Variants in MEAK7 observed in about 807,000 individuals in gnomAD.
The protein encoded by MEAK7 is MTOR-associated protein MEAK7.
A neutral mutation model predicts 40.5 loss-of-function variants in MEAK7; 68 were observed. The observed-to-expected ratio is 1.68, with a 90% CI of 1.38 to 2.06. The LOEUF (loss-of-function observed/expected upper bound fraction) is 2.06, where lower values mean the gene tolerates loss of function less well. Among genes scored for constraint, MEAK7 ranks in the 30% most tolerant of loss-of-function variants. The probability of loss-of-function intolerance (pLI) is 0.00; values close to 1 mark genes in which losing one functional copy is unlikely to be tolerated. For synonymous variants in MEAK7, 338 were observed against 231.9 expected (o/e 1.46, Z -4.16); for missense variants, 918 against 580.5 (o/e 1.58, Z -5.98).
rs1912683125 is a variant in MEAK7 at position 84,482,713 on chromosome 16, G to C, written c.959-3C>G. 2.5e-6 allele frequency: 4 copies of C among 1,614,028 alleles called. No homozygotes were observed. The highest frequency in any genetic ancestry group is 1.3e-5 in the African/African-American group (1 of 75,054). ...GAACAGGAAGCATCTGTTGTCCCCT[G>C]AAAGTAGCCAGAGAACAAAACAAAC... is the stretch of plus-strand genomic sequence containing the variant. On this transcript the variant is annotated splice_region_variant and splice_polypyrimidine_tract_variant and intron_variant, in intron 5 of 7. Coordinates refer to ENST00000343629, the MANE Select transcript of MEAK7 (RefSeq NM_020947.4).
chr16:84,485,194 T>A (rs1912926755), intron 5 of MEAK7, among the ~76,000 whole-genome samples: 1 of 152,028 alleles, frequency 6.6e-6, no homozygotes, highest in South Asian at 2.1e-4. Context: ...GAGGCTGCTG[T>A]CTCTAGAAAG....
intron 1 of MEAK7, among the ~76,000 whole-genome samples, chr16:84,500,373 C>T (rs1395934819): frequency 6.6e-6 from 1 of 152,164 alleles, no homozygotes; most frequent in Non-Finnish European, 1.5e-5. Flanking sequence ...TCTGAGGGGC[C>T]GCCAAGTGCT....
chr16:84,481,171 G>C (rs1369038078), intron 6 of MEAK7, among the ~76,000 whole-genome samples: 1 of 152,214 alleles, frequency 6.6e-6, no homozygotes, highest in African/African-American at 2.4e-5. Flanking sequence ...ACTCAGCTCC[G>C]AGTGTGTGGC....
At chr16:84,487,212 G>A (rs1048817834) in intron 4 of MEAK7, 153 bp from the exon 5 acceptor site, 82 of 618,984 alleles carry the variant, frequency 1.3e-4, no homozygotes, top group Non-Finnish European at 5.0e-5. Context: ...TGCCGTCAGT[G>A]TAAAAGGCAC....
intron 5 of MEAK7, among the ~76,000 whole-genome samples, chr16:84,484,494 G>C (rs1912861436): frequency 6.6e-6 from 1 of 152,066 alleles, no homozygotes; most frequent in Admixed American, 6.5e-5. Flanking sequence ...CAAAGCCTTG[G>C]GCCTTTTCAA....
chr16:84,478,201 C>G lies in MEAK7; in HGVS notation c.*1712G>C, dbSNP rs1386094865. On this transcript the variant is annotated 3_prime_UTR_variant, in exon 8 of 8. Transcript: ENST00000343629. Reference sequence around the variant, plus strand: ...TGAGGATCCTAATATTCTACTTCTGCCAACATGTCAGGTAGGAAGCTCACA... The same window carrying G: ...TGAGGATCCTAATATTCTACTTCTGGCAACATGTCAGGTAGGAAGCTCACA... 1.3e-5 allele frequency: 2 copies of G among 152,182 alleles called. No homozygotes were observed. Among genetic ancestry groups the G allele is most frequent in the East Asian group, 3.9e-4 (2 of 5,194 alleles). 9.4% of individuals were successfully genotyped at this position (152,182 alleles called of 1,614,324 possible). A position where few individuals can be genotyped will look rare whatever the true frequency, so the allele number is the denominator to read the frequency against.
rs369619862 is a variant in MEAK7, at chr16:84,489,303, C to T, written c.504G>A (p.Gln168=). Residue 168 remains glutamine, a synonymous_variant, in exon 4 of 8, where the codon CAG becomes CAA. Transcript: ENST00000343629. ...CTTGCAGCTTCATGTCAGAGAGCAGCTGAGCAGCCAGCACCTGCACCCGGG... is the reference window on the plus strand; with the variant it reads ...CTTGCAGCTTCATGTCAGAGAGCAGTTGAGCAGCCAGCACCTGCACCCGGG... The part of the protein sequence containing the change: ...PNPRVQVLAA[Q]LLSDMKLQDG... The T allele has an allele frequency of 1.2e-5, 20 of 1,614,028 alleles. No homozygotes were observed. The highest frequency in any genetic ancestry group is 3.3e-5 in the Admixed American group (2 of 60,006).
At chr16:84,504,252 C>T (rs760586825) in intron 1 of MEAK7, 2 of 717,764 alleles carry the variant, frequency 2.8e-6, no homozygotes, top group Non-Finnish European at 3.4e-6. Context: ...AGGCACCCCT[C>T]CCTTTCCGCG....
At chr16:84,494,807 T>A (rs761661092) in intron 3 of MEAK7, 20 of 455,886 alleles carry the variant, frequency 4.4e-5, no homozygotes, top group South Asian at 3.1e-4. Context: ...CTCATTTTCC[T>A]CTAAAATCCT....
chr16:84,484,702 A>C (rs1912879810), intron 5 of MEAK7, among the ~76,000 whole-genome samples: 1 of 152,178 alleles, frequency 6.6e-6, no homozygotes. Context: ...ACAGCTATTA[A>C]ATCACTTAAA....
At chr16:84,501,017 C>T (rs941459309) in intron 1 of MEAK7, among the ~76,000 whole-genome samples, 2 of 147,468 alleles carry the variant, frequency 1.4e-5, no homozygotes, top group African/African-American at 5.0e-5. Flanking sequence ...ATTGGTTGAA[C>T]ACGGACAGCG....
At position 84,485,673 on chromosome 16, in the gene MEAK7, C is replaced by CCTATCTAT. The variant is rs201436650; in HGVS notation, c.958+950_958+957dup. On this transcript the variant is annotated intron_variant, in intron 5 of 7. Coordinates refer to ENST00000343629, the MANE Select transcript of MEAK7 (RefSeq NM_020947.4). ...ATCCATCCATCCATCCATCTATCTA[C>CCTATCTAT]CTATCTATCTATCTATCTATCTATC... is the stretch of plus-strand genomic sequence containing the variant. Among the ~76,000 whole-genome samples, 156 of 147,748 alleles carry CCTATCTAT rather than the reference C, an allele frequency of 1.1e-3. 1 individual carries two copies. The highest frequency in any genetic ancestry group is 9.4e-3 in the East Asian group (47 of 4,976).
At chr16:84,494,759 C>T (rs1455547724) in intron 3 of MEAK7, 1 of 447,668 alleles carries the variant, frequency 2.2e-6, no homozygotes, top group Non-Finnish European at 4.5e-6. Context: ...ATAAACCATT[C>T]TGGACATGAC....
chr16:84,494,438 T>C (rs1185960837), intron 3 of MEAK7, among the ~76,000 whole-genome samples: 1 of 152,206 alleles, frequency 6.6e-6, no homozygotes, highest in East Asian at 1.9e-4. Flanking sequence ...TCTATTCCTT[T>C]TTTTCCCCCC....
At chr16:84,500,843 C>T (rs1355755419) in intron 1 of MEAK7, among the ~76,000 whole-genome samples, 3 of 152,102 alleles carry the variant, frequency 2.0e-5, no homozygotes, top group Non-Finnish European at 4.4e-5. Flanking sequence ...TGCATCAACT[C>T]GAAGAGCCTG....
At chr16:84,482,365 A>G (rs1025635851) in intron 6 of MEAK7, among the ~76,000 whole-genome samples, 1 of 152,222 alleles carries the variant, frequency 6.6e-6, no homozygotes. Flanking sequence ...CTGCACACAA[A>G]CCACTGAGAA....
At chr16:84,503,438 G>A (rs1417290060) in intron 1 of MEAK7, among the ~76,000 whole-genome samples, 1 of 152,052 alleles carries the variant, frequency 6.6e-6, no homozygotes, top group Non-Finnish European at 1.5e-5. Context: ...CCTGCTTCCT[G>A]GCTTCCCACT....
intron 3 of MEAK7, among the ~76,000 whole-genome samples, chr16:84,494,310 A>G (rs183985206): frequency 2.6e-5 from 4 of 152,320 alleles, no homozygotes; most frequent in African/African-American, 2.4e-5. Context: ...TACACTGGTT[A>G]TTGGATTCTA....
intron 5 of MEAK7, 87 bp from the exon 6 acceptor site, chr16:84,482,797 G>A: frequency 1.3e-6 from 2 of 1,562,286 alleles, no homozygotes; most frequent in Admixed American, 1.9e-5. Context: ...TGCAGCTCAG[G>A]AAGCAACAGG....
Sources: allele counts gnomAD v4.1 joint callset (sites outside exome capture counted in the v4.1 genomes callset), GRCh38; gene constraint gnomAD v4.1.1; transcripts MANE v1.5; gene names NCBI Gene and HGNC (gene_info 2026-07-23, HGNC 2026-07-21).